The following NRSN1 variants were observed in gnomAD, a reference collection of about 807,000 sequenced individuals.
NRSN1 encodes the protein neurensin-1.
NRSN1 carries 14 observed loss-of-function variants against 17.3 expected under a neutral mutation model. That is an observed-to-expected ratio of 0.81 (90% confidence interval 0.54 to 1.27). NRSN1 has a LOEUF of 1.27. Among genes scored for constraint, NRSN1 ranks in the 50% most tolerant of loss-of-function variants. The pLI, the probability that NRSN1 is intolerant of heterozygous loss-of-function variation, is 0.00. For missense variants in NRSN1, 209 were observed against 235.9 expected (o/e 0.89, Z 0.75); for synonymous variants, 79 against 94.2 (o/e 0.84, Z 0.93).
chr6:24,130,976 T>A (rs1741693891), intron 2 of NRSN1, among the ~76,000 whole-genome samples: 1 of 152,038 alleles, frequency 6.6e-6, no homozygotes, highest in Admixed American at 6.5e-5. Flanking sequence ...AAGTTGCAAA[T>A]CAAAAAATGG....
Position 24,135,621 on chromosome 6 carries a change from G to A in NRSN1, c.189+1105G>A, listed in dbSNP as rs201435492. On this transcript the variant is annotated intron_variant, in intron 3 of 3. Coordinates refer to ENST00000378491, the MANE Select transcript of NRSN1 (RefSeq NM_080723.5). The stretch of plus-strand genomic sequence containing the variant: ...TACCCAGGCAAAAGATGCTGGTGGC[G>A]TTAGTGGAGATGGTGAAAAGTAGTC... 6.6e-5 allele frequency among the ~76,000 whole-genome samples: 10 copies of A among 152,292 alleles called. No homozygotes were observed. In the East Asian group the frequency reaches 1.3e-3, roughly 21 times the overall value.
rs895994251 is a variant in NRSN1 at position 24,146,314 on chromosome 6, A to G, written c.*368A>G. 4.0e-6 allele frequency: 2 copies of G among 505,810 alleles called. No homozygotes were observed. Among genetic ancestry groups the G allele is most frequent in the South Asian group, 1.5e-5 (1 of 64,870 alleles). The allele number at this position is 505,810 out of a possible 1,614,324, so 31.3% of individuals were successfully genotyped here. A position where few individuals can be genotyped will look rare whatever the true frequency, so the allele number is the denominator to read the frequency against. ...AATGTGGTCCATTTTATTTTCTAAT[A>G]TTGGTTTATCTAATGTTTTCTGCGT... is the stretch of plus-strand genomic sequence containing the variant. On this transcript the variant is annotated 3_prime_UTR_variant, in exon 4 of 4. Coordinates refer to ENST00000378491, the MANE Select transcript of NRSN1 (RefSeq NM_080723.5).
intron 1 of NRSN1, among the ~76,000 whole-genome samples, chr6:24,127,222 A>G (rs1169031563): frequency 6.6e-6 from 1 of 152,184 alleles, no homozygotes; most frequent in Non-Finnish European, 1.5e-5. Flanking sequence ...GGAGGCTAAT[A>G]TAATTTGCTT....
rs1760199549 is a variant in NRSN1 at position 24,141,335 on chromosome 6, T to C, written c.190-4213T>C. The C allele has an allele frequency of 1.3e-5, 14 of 1,051,244 alleles. No homozygotes were observed. The South Asian group carries it at 5.9e-4, about 44-fold the overall frequency. 65.1% of individuals were successfully genotyped at this position (1,051,244 alleles called of 1,614,324 possible). A position where few individuals can be genotyped will look rare whatever the true frequency, so the allele number is the denominator to read the frequency against. On this transcript the variant is annotated intron_variant, in intron 3 of 3. Transcript: ENST00000378491. ...TTATCCTTTCCAGTACTCAGCATGG[T>C]ACCAAGACTAAGCTGATGAGTCCCA...
In NRSN1 at chr6:24,145,781, G is replaced by C; in HGVS notation, c.423G>C (p.Lys141Asn). The C allele has an allele frequency of 6.2e-7, 1 of 1,614,184 alleles. No homozygotes were observed. Among genetic ancestry groups the C allele is most frequent in the Non-Finnish European group, 8.5e-7 (1 of 1,180,048 alleles). Residue 141 changes from lysine (K) to asparagine (N), a missense_variant, in exon 4 of 4, where the codon AAG becomes AAC. Coordinates refer to ENST00000378491, the MANE Select transcript of NRSN1 (RefSeq NM_080723.5). This position sits in a 1 kb window ranked among gnomAD's most constrained non-coding sequence, Gnocchi z 4.4. ...AGCLLMSVFV[K>N]SYSKEEKFLQ... is the part of the protein sequence containing the mutation. ...GCCTGCTGATGTCGGTGTTTGTAAAGAGCTACTCCAAAGAAGAAAAATTCC... is the reference window on the plus strand; with the variant it reads ...GCCTGCTGATGTCGGTGTTTGTAAACAGCTACTCCAAAGAAGAAAAATTCC...
chr6:24,133,933 T>C (rs1581548819), intron 2 of NRSN1, among the ~76,000 whole-genome samples: 1 of 151,832 alleles, frequency 6.6e-6, no homozygotes, highest in Non-Finnish European at 1.5e-5. Context: ...ACCTCCCGGG[T>C]TCACGCCATT....
At chr6:24,140,439 C>T (rs193245294) in intron 3 of NRSN1, among the ~76,000 whole-genome samples, 4 of 152,268 alleles carry the variant, frequency 2.6e-5, no homozygotes, top group Admixed American at 6.5e-5. Context: ...TCGGTTCTTG[C>T]TTCATAAAGC....
intron 1 of NRSN1, among the ~76,000 whole-genome samples, chr6:24,127,552 T>C (rs1391395569): frequency 2.0e-5 from 3 of 152,240 alleles, no homozygotes; most frequent in Non-Finnish European, 4.4e-5. Context: ...CATGGGCACC[T>C]GCTTTTCTTA....
chr6:24,130,699 C>A (rs994740341), intron 2 of NRSN1, among the ~76,000 whole-genome samples: 3 of 152,020 alleles, frequency 2.0e-5, no homozygotes, highest in Non-Finnish European at 4.4e-5. Context: ...TAGTTATATG[C>A]CCTTTTTAAA....
At chr6:24,134,968 T>A (rs1357323379) in intron 3 of NRSN1, among the ~76,000 whole-genome samples, 1 of 152,222 alleles carries the variant, frequency 6.6e-6, no homozygotes, top group Non-Finnish European at 1.5e-5. Context: ...GCTCCGTCTC[T>A]ACCGAGTGTG....
chr6:24,141,433 T>C (rs1019196341), intron 3 of NRSN1: 8 of 253,520 alleles, frequency 3.2e-5, no homozygotes, highest in Admixed American at 1.7e-4. Flanking sequence ...CTCCCTCCCA[T>C]GTTTTAACAT....
intron 3 of NRSN1, among the ~76,000 whole-genome samples, chr6:24,138,443 C>A (rs907135597): frequency 6.6e-6 from 1 of 152,142 alleles, no homozygotes; most frequent in Admixed American, 6.5e-5. Context: ...CAGCAAACAG[C>A]GTCATATGTA....
intron 3 of NRSN1, among the ~76,000 whole-genome samples, chr6:24,144,698 C>T (rs1261243958): frequency 6.6e-6 from 1 of 151,994 alleles, no homozygotes; most frequent in Non-Finnish European, 1.5e-5. Context: ...TTACAAGGAC[C>T]TTGTTTTTGT....
rs1424973415 is a variant in NRSN1 at position 24,141,048 on chromosome 6, A to G, written c.190-4500A>G. ...CCTGGAGAGGCCCTTCTCTGTCGCC[A>G]TTGGGATTGGCCTTACCACCCTAAG... On this transcript the variant is annotated intron_variant, in intron 3 of 3. Transcript: ENST00000378491. The G allele has an allele frequency of 2.0e-6, 3 of 1,471,920 alleles. No homozygotes were observed. In the South Asian group the frequency reaches 4.3e-5, roughly 21 times the overall value. 91.2% of individuals were successfully genotyped at this position (1,471,920 alleles called of 1,614,324 possible).
chr6:24,142,878 G>A (rs531354729), intron 3 of NRSN1, among the ~76,000 whole-genome samples: 86 of 152,246 alleles, frequency 5.6e-4, no homozygotes, highest in Middle Eastern at 3.4e-3. Flanking sequence ...GGCTACTGGC[G>A]CGGGTGGCCA....
At position 24,142,213 on chromosome 6, in the gene NRSN1, T is replaced by TTTTTTTTTC. The variant is rs957826257; in HGVS notation, c.190-3334_190-3333insTTTTTTTCT. Among the ~76,000 whole-genome samples, 507 of 132,566 alleles carry TTTTTTTTTC rather than the reference T, an allele frequency of 3.8e-3. 17 individuals are homozygous for TTTTTTTTTC. The highest frequency in any genetic ancestry group is 0.011 in the East Asian group (47 of 4,128). The allele number at this position is 132,566 out of a possible 152,430, so 87.0% of individuals were successfully genotyped here. On this transcript the variant is annotated intron_variant, in intron 3 of 3. Transcript: ENST00000378491. ...CAGCTTTTTTTTTTTTTTTTTTTTTTTCAGAAGACATCCTATTGACTCTTT... is the reference window on the plus strand; with the variant it reads ...CAGCTTTTTTTTTTTTTTTTTTTTTTTTTTTTTTCTCAGAAGACATCCTATTGACTCTTT...
At chr6:24,142,729 GA>G (rs1760230376) in intron 3 of NRSN1, among the ~76,000 whole-genome samples, 1 of 152,156 alleles carries the variant, frequency 6.6e-6, no homozygotes, top group African/African-American at 2.4e-5. Flanking sequence ...CTGACTTCAA[GA>G]ATGAGGCCGC....
intron 3 of NRSN1, among the ~76,000 whole-genome samples, chr6:24,144,319 G>A (rs1042824261): frequency 2.6e-5 from 4 of 152,172 alleles, no homozygotes; most frequent in African/African-American, 9.7e-5. Flanking sequence ...GAGGTGAGTA[G>A]TTACAAAGAC....
chr6:24,134,299 T>C lies in NRSN1; in HGVS notation c.-9-20T>C. On this transcript the variant is annotated intron_variant, in intron 2 of 3. Coordinates refer to ENST00000378491, the MANE Select transcript of NRSN1 (RefSeq NM_080723.5). ...GGCCAAAGCCTGTGGCATTAATCCA[T>C]GTGGATGTTGTCATTCCAGCTGGGA... The C allele has an allele frequency of 6.2e-7, 1 of 1,606,138 alleles. No individual in the cohort carries two copies. The highest frequency in any genetic ancestry group is 2.2e-5 in the East Asian group (1 of 44,840).
Sources: allele counts gnomAD v4.1 joint callset (sites outside exome capture counted in the v4.1 genomes callset), GRCh38; gene constraint gnomAD v4.1.1; non-coding constraint Gnocchi (gnomAD v3.1); transcripts MANE v1.5; gene names NCBI Gene and HGNC (gene_info 2026-07-23, HGNC 2026-07-21).